Variants in CEMIP observed in about 807,000 individuals in gnomAD.
The protein encoded by CEMIP is cell migration-inducing and hyaluronan-binding protein.
A neutral mutation model predicts 156.9 loss-of-function variants in CEMIP; 105 were observed. The ratio of observed to expected loss-of-function variants is 0.67; its 90% CI spans 0.57 to 0.79. The LOEUF (loss-of-function observed/expected upper bound fraction) is 0.79, where lower values mean the gene tolerates loss of function less well. CEMIP is among the 30% of genes least tolerant of loss of function. CEMIP has a pLI of 0.00. For synonymous variants in CEMIP, 676 were observed against 668.4 expected, an observed-to-expected ratio of 1.01 and a Z score of -0.17; for missense variants, 1,457 against 1,769.4, an observed-to-expected ratio of 0.82 and a Z score of 3.17.
intron 1 of CEMIP, among the ~76,000 whole-genome samples, chr15:80,844,238 G>A (rs1299930749): frequency 6.6e-6 from 1 of 152,184 alleles, no homozygotes; most frequent in Non-Finnish European, 1.5e-5. Context: ...CCCCTGTCGC[G>A]CCCTCCCCCT....
intron 1 of CEMIP, among the ~76,000 whole-genome samples, chr15:80,833,885 G>C (rs1230115277): frequency 6.6e-6 from 1 of 152,046 alleles, no homozygotes; most frequent in East Asian, 1.9e-4. Context: ...GGCCAGGCTG[G>C]TCTTGAACTC....
At chr15:80,939,388 C>T (rs1901255184) in intron 25 of CEMIP, among the ~76,000 whole-genome samples, 1 of 152,166 alleles carries the variant, frequency 6.6e-6, no homozygotes, top group Non-Finnish European at 1.5e-5. Context: ...TTAGGAAAAT[C>T]CTCCCATATG....
At position 80,949,758 on chromosome 15, in the gene CEMIP, C is replaced by G. The variant is rs1901737035; in HGVS notation, c.*834C>G. On this transcript the variant is annotated 3_prime_UTR_variant, in exon 30 of 30. Coordinates refer to ENST00000394685, the MANE Select transcript of CEMIP (RefSeq NM_001293298.2). ...ACTGCAATGCCAGGTGGAGAAATCACAGAGAGGTAAAATGGAGGCCAGTGC... is the reference window on the plus strand; with the variant it reads ...ACTGCAATGCCAGGTGGAGAAATCAGAGAGAGGTAAAATGGAGGCCAGTGC... 6.6e-6 allele frequency: 1 copy of G among 152,296 alleles called. No individual in the cohort carries two copies. 9.4% of individuals were successfully genotyped at this position (152,296 alleles called of 1,614,324 possible).
intron 1 of CEMIP, among the ~76,000 whole-genome samples, chr15:80,836,891 G>A (rs187542080): frequency 1.3e-5 from 2 of 152,336 alleles, no homozygotes; most frequent in Non-Finnish European, 2.9e-5. Flanking sequence ...AGGATTGTAA[G>A]GGCTAAGCAG....
At chr15:80,878,510 T>A (rs964416667) in intron 3 of CEMIP, among the ~76,000 whole-genome samples, 32 of 152,202 alleles carry the variant, frequency 2.1e-4, no homozygotes, top group African/African-American at 7.5e-4. Context: ...TTCACAGATA[T>A]GTGATGAATT....
chr15:80,874,084 C>G (rs1898390118), intron 3 of CEMIP, 111 bp downstream of exon 3: 3 of 1,029,910 alleles, frequency 2.9e-6, no homozygotes, highest in Non-Finnish European at 4.4e-6. Context: ...GGGAGTGGGT[C>G]AGGGTGCCTG....
intron 10 of CEMIP, 151 bp downstream of exon 10, chr15:80,889,743 G>A: frequency 1.0e-6 from 1 of 977,212 alleles, no homozygotes; most frequent in South Asian, 1.4e-5. Context: ...CCACTTTAGA[G>A]ACTGAAGCAG....
intron 1 of CEMIP, among the ~76,000 whole-genome samples, chr15:80,782,169 A>T (rs188467679): frequency 6.6e-6 from 1 of 152,360 alleles, no homozygotes; most frequent in Admixed American, 6.5e-5. Flanking sequence ...GGTTCAGATG[A>T]TCAATTTTTC....
At chr15:80,871,070 T>A (rs1474336850) in intron 1 of CEMIP, among the ~76,000 whole-genome samples, 3 of 152,206 alleles carry the variant, frequency 2.0e-5, no homozygotes, top group Non-Finnish European at 4.4e-5. Context: ...AGAAGCGGAA[T>A]CCCAGTTCTT....
At chr15:80,779,844 G>A (rs1895744699) in intron 1 of CEMIP, among the ~76,000 whole-genome samples, 1 of 152,268 alleles carries the variant, frequency 6.6e-6, no homozygotes, top group African/African-American at 2.4e-5. Context: ...GGATTTCTCT[G>A]AGATCTTGTG....
At chr15:80,901,100 T>C in intron 12 of CEMIP, 2 of 388,292 alleles carry the variant, frequency 5.2e-6, no homozygotes, top group Middle Eastern at 3.6e-4. Context: ...CCTCCCTTGA[T>C]TTTCCACCCT....
At chr15:80,808,643 A>G (rs1567054431) in intron 1 of CEMIP, among the ~76,000 whole-genome samples, 1 of 152,182 alleles carries the variant, frequency 6.6e-6, no homozygotes. Flanking sequence ...ATGGAAAGGT[A>G]GAGAAAAAAA....
At chr15:80,925,813 G>C in intron 19 of CEMIP, 58 bp downstream of exon 19, 1 of 1,581,488 alleles carries the variant, frequency 6.3e-7, no homozygotes, top group South Asian at 1.1e-5. Context: ...TCTTCCCCTA[G>C]CCCCCTACAG....
intron 14 of CEMIP, among the ~76,000 whole-genome samples, chr15:80,911,192 G>A (rs1183449291): frequency 2.0e-5 from 3 of 152,168 alleles, no homozygotes; most frequent in African/African-American, 7.2e-5. Context: ...TTTGCCCTGG[G>A]TGCAGGTCTC....
In CEMIP at chr15:80,906,726, G is replaced by A; in HGVS notation, c.1475G>A (p.Gly492Glu). The A allele has an allele frequency of 6.2e-7, 1 of 1,614,172 alleles. No individual in the cohort carries two copies. The change falls in exon 13 of 30, where the codon GGG becomes GAG. Residue 492 changes from glycine (G) to glutamate (E), a missense_variant. Gly to Glu is a moderately conservative substitution (Grantham distance 98). Coordinates refer to ENST00000394685, the MANE Select transcript of CEMIP (RefSeq NM_001293298.2). The surrounding 1 kb of genome is among the most constrained non-coding windows in gnomAD (Gnocchi z 4.3). ...IDGVDMRAEV[G>E]LLSRNIIVMG... ...GGCGTGGACATGCGGGCGGAGGTTG[G>A]GCTTCTGAGCCGGAACATCATAGTG... is the stretch of plus-strand genomic sequence containing the variant.
At chr15:80,914,182 G>A (rs1194917614) in intron 14 of CEMIP, among the ~76,000 whole-genome samples, 1 of 152,162 alleles carries the variant, frequency 6.6e-6, no homozygotes. Flanking sequence ...CTCTGAGGCA[G>A]GACATAGGGG....
At chr15:80,811,336 C>T (rs1896667193) in intron 1 of CEMIP, among the ~76,000 whole-genome samples, 1 of 152,170 alleles carries the variant, frequency 6.6e-6, no homozygotes, top group South Asian at 2.1e-4. Flanking sequence ...CAAGTGTTCT[C>T]AATCTCTATG....
At chr15:80,848,021 A>G (rs1897605610) in intron 1 of CEMIP, among the ~76,000 whole-genome samples, 1 of 152,254 alleles carries the variant, frequency 6.6e-6, no homozygotes, top group African/African-American at 2.4e-5. Context: ...CTTTATCCTC[A>G]AGAGTGGGAC....
intron 1 of CEMIP, among the ~76,000 whole-genome samples, chr15:80,841,479 G>C (rs896074812): frequency 3.3e-5 from 5 of 152,174 alleles, no homozygotes; most frequent in Non-Finnish European, 5.9e-5. Context: ...CTTGGTTCCC[G>C]TCCACTCTGT....
Sources: allele counts gnomAD v4.1 joint callset (sites outside exome capture counted in the v4.1 genomes callset), GRCh38; gene constraint gnomAD v4.1.1; non-coding constraint Gnocchi (gnomAD v3.1); transcripts MANE v1.5; gene names NCBI Gene and HGNC (gene_info 2026-07-23, HGNC 2026-07-21).